The following DGKI variants were observed in gnomAD, a reference collection of about 807,000 sequenced individuals.
DGKI encodes the protein diacylglycerol kinase iota, also known as DAG kinase iota.
A neutral mutation model predicts 147.5 loss-of-function variants in DGKI; 55 were observed. The ratio of observed to expected loss-of-function variants is 0.37; its 90% confidence interval spans 0.30 to 0.47. DGKI has a LOEUF of 0.47. Ranked by LOEUF, DGKI falls within the 20% of genes least tolerant of loss-of-function variation. The pLI is 1.00. For missense variants in DGKI, 1,007 were observed against 1,323.8 expected (o/e 0.76, Z 3.71); for synonymous variants, 469 against 477.1 (o/e 0.98, Z 0.22).
At position 137,384,753 on chromosome 7, in the gene DGKI, A is replaced by T. The variant is rs1434774594; in HGVS notation, c.*6467T>A. ...AACAGTATAGATTTGAGTTGTTTAT[A>T]CTGTCATAGAGTGAAAACTATATGT... is the stretch of plus-strand genomic sequence containing the variant. On this transcript the variant is annotated 3_prime_UTR_variant, in exon 33 of 33. Coordinates refer to ENST00000614521, the MANE Select transcript of DGKI (RefSeq NM_001321708.2). The T allele has an allele frequency of 6.6e-6, 1 of 152,092 alleles. No individual in the cohort carries two copies. The highest frequency in any genetic ancestry group is 2.4e-5 in the African/African-American group (1 of 41,426). The allele number at this position is 152,092 out of a possible 1,614,324, so 9.4% of individuals were successfully genotyped here. A position where few individuals can be genotyped will look rare whatever the true frequency, so the allele number is the denominator to read the frequency against.
At chr7:137,670,110 T>C (rs991718012) in intron 3 of DGKI, among the ~76,000 whole-genome samples, 1 of 152,326 alleles carries the variant, frequency 6.6e-6, no homozygotes. Flanking sequence ...AAATTTATGG[T>C]CATGAGCTCC....
intron 20 of DGKI, among the ~76,000 whole-genome samples, chr7:137,524,417 C>T (rs372516678): frequency 6.6e-5 from 10 of 152,042 alleles, no homozygotes; most frequent in South Asian, 2.1e-4. Flanking sequence ...TTTAAAAGCA[C>T]GTCCATATGT....
chr7:137,579,500 A>T (rs890020414), intron 15 of DGKI, among the ~76,000 whole-genome samples: 6 of 152,034 alleles, frequency 3.9e-5, no homozygotes, highest in Admixed American at 1.3e-4. Context: ...TAGACAAATA[A>T]TTTTTTAATT....
chr7:137,748,041 G>C (rs894556523), intron 1 of DGKI, among the ~76,000 whole-genome samples: 1 of 152,122 alleles, frequency 6.6e-6, no homozygotes, highest in Non-Finnish European at 1.5e-5. Context: ...AATACTATGA[G>C]AGGGAAAAGA....
intron 20 of DGKI, among the ~76,000 whole-genome samples, chr7:137,550,496 G>A (rs1818010162): frequency 6.6e-6 from 1 of 152,112 alleles, no homozygotes; most frequent in African/African-American, 2.4e-5. Context: ...TTTTTAAGTT[G>A]AGGCTGCTTC....
intron 29 of DGKI, among the ~76,000 whole-genome samples, chr7:137,410,432 T>A (rs547011785): frequency 3.2e-4 from 49 of 152,248 alleles, no homozygotes; most frequent in Admixed American, 1.3e-3. Context: ...TAAGGTGTTA[T>A]TAAGTCATGT....
At chr7:137,838,061 G>A (rs1191206784) in intron 1 of DGKI, among the ~76,000 whole-genome samples, 1 of 145,154 alleles carries the variant, frequency 6.9e-6, no homozygotes, top group African/African-American at 2.6e-5. Context: ...GGAGTGCAGT[G>A]GCTTGATCTC....
At chr7:137,534,688 T>C (rs1817459086) in intron 20 of DGKI, among the ~76,000 whole-genome samples, 1 of 152,034 alleles carries the variant, frequency 6.6e-6, no homozygotes, top group Non-Finnish European at 1.5e-5. Context: ...AATATTTATA[T>C]AAATAATATA....
chr7:137,759,109 C>G (rs1250174357), intron 1 of DGKI, among the ~76,000 whole-genome samples: 1 of 152,114 alleles, frequency 6.6e-6, no homozygotes, highest in Non-Finnish European at 1.5e-5. Context: ...CCCCCTCCCT[C>G]TCCTACTCCC....
At chr7:137,583,702 C>T (rs550534854) in intron 14 of DGKI, among the ~76,000 whole-genome samples, 216 of 152,122 alleles carry the variant, frequency 1.4e-3, no homozygotes, top group African/African-American at 4.9e-3. Context: ...TTCTATTGCA[C>T]GTCTAACTAT....
intron 28 of DGKI, among the ~76,000 whole-genome samples, chr7:137,422,082 A>AG (rs1459960322): frequency 6.6e-6 from 1 of 152,242 alleles, no homozygotes; most frequent in East Asian, 1.9e-4. Context: ...GTCAACTCAG[A>AG]GCTGTATATC....
chr7:137,585,649 T>TA (rs1195341509), intron 13 of DGKI, among the ~76,000 whole-genome samples: 1 of 151,996 alleles, frequency 6.6e-6, no homozygotes, highest in Non-Finnish European at 1.5e-5. Flanking sequence ...GTTATCAGAG[T>TA]AAAAAACAGG....
intron 10 of DGKI, among the ~76,000 whole-genome samples, chr7:137,601,744 A>T (rs1819998950): frequency 6.6e-6 from 1 of 152,234 alleles, no homozygotes; most frequent in African/African-American, 2.4e-5. Flanking sequence ...CTACTCATTA[A>T]ATTACACTTG....
intron 5 of DGKI, among the ~76,000 whole-genome samples, chr7:137,650,552 G>A (rs1465217463): frequency 1.3e-5 from 2 of 152,140 alleles, no homozygotes; most frequent in Non-Finnish European, 2.9e-5. Flanking sequence ...TTTGAAAGGT[G>A]ATCAAGTAAT....
chr7:137,818,558 C>T (rs1014653202), intron 1 of DGKI, among the ~76,000 whole-genome samples: 1 of 152,188 alleles, frequency 6.6e-6, no homozygotes, highest in Non-Finnish European at 1.5e-5. Flanking sequence ...TCTCCTACCT[C>T]AGCCTCCCAA....
At chr7:137,656,860 G>A (rs1822244923) in intron 3 of DGKI, among the ~76,000 whole-genome samples, 1 of 152,086 alleles carries the variant, frequency 6.6e-6, no homozygotes, top group South Asian at 2.1e-4. Context: ...TCATTTCTAA[G>A]TTTCAGAACC....
intron 1 of DGKI, among the ~76,000 whole-genome samples, chr7:137,776,367 C>G (rs556834269): frequency 2.0e-5 from 3 of 152,278 alleles, no homozygotes; most frequent in African/African-American, 7.2e-5. Flanking sequence ...AATGATTTAA[C>G]CTCTAACATA....
At chr7:137,685,492 G>C (rs1823384337) in intron 2 of DGKI, among the ~76,000 whole-genome samples, 1 of 152,156 alleles carries the variant, frequency 6.6e-6, no homozygotes, top group Non-Finnish European at 1.5e-5. Context: ...CCATTGGAAG[G>C]GAGACATGTG....
In DGKI at chr7:137,793,666, T is replaced by C. The variant is rs1206263813; in HGVS notation, c.401+52796A>G. ...TGTCATTCCCCTGCTTAAGAACTTA[T>C]ATAAAACATTAAAATGGGCTACTAA... is the stretch of plus-strand genomic sequence containing the variant. On this transcript the variant is annotated intron_variant, in intron 1 of 32. Transcript: ENST00000614521. Among the ~76,000 whole-genome samples the C allele has an allele frequency of 7.2e-5, 11 of 152,308 alleles. 1 individual carries two copies. Among genetic ancestry groups the C allele is most frequent in the Admixed American group, 5.2e-4 (8 of 15,302 alleles).
Sources: allele counts gnomAD v4.1 joint callset (sites outside exome capture counted in the v4.1 genomes callset), GRCh38; gene constraint gnomAD v4.1.1; transcripts MANE v1.5; gene names NCBI Gene and HGNC (gene_info 2026-07-23, HGNC 2026-07-21).